The following MIPOL1 variants were observed in gnomAD, a reference collection of about 807,000 sequenced individuals.
MIPOL1 encodes the protein mirror-image polydactyly gene 1 protein.
MIPOL1 carries 57 observed loss-of-function variants against 60.9 expected under a neutral mutation model. That is an observed-to-expected ratio of 0.94 (90% CI 0.76 to 1.17). The LOEUF (loss-of-function observed/expected upper bound fraction) is 1.17. MIPOL1 is among the 50% of genes most tolerant of loss of function. The probability of loss-of-function intolerance (pLI) is 0.00; values close to 1 mark genes in which losing one functional copy is unlikely to be tolerated. For missense variants in MIPOL1, 551 were observed against 511.6 expected (o/e 1.08, Z -0.74); for synonymous variants, 179 against 168.8 (o/e 1.06, Z -0.47).
At chr14:37,358,038 G>GTCCAAGT (rs1448568665) in intron 9 of MIPOL1, among the ~76,000 whole-genome samples, 1 of 151,446 alleles carries the variant, frequency 6.6e-6, no homozygotes, top group Non-Finnish European at 1.5e-5. Flanking sequence ...CCTGCCCTAT[G>GTCCAAGT]TCCAAGTGTT....
chr14:37,210,646 A>G (rs1594468895), intron 1 of MIPOL1, among the ~76,000 whole-genome samples: 1 of 152,028 alleles, frequency 6.6e-6, no homozygotes, highest in African/African-American at 2.4e-5. Context: ...AGGGATATGG[A>G]GAATGTGTGT....
chr14:37,213,364 G>T (rs1303371652), intron 1 of MIPOL1, among the ~76,000 whole-genome samples: 1 of 152,124 alleles, frequency 6.6e-6, no homozygotes, highest in African/African-American at 2.4e-5. Context: ...ATTTAACAAA[G>T]ATATGGAAAT....
intron 1 of MIPOL1, among the ~76,000 whole-genome samples, chr14:37,205,610 C>A (rs1965954114): frequency 6.6e-6 from 1 of 152,052 alleles, no homozygotes; most frequent in African/African-American, 2.4e-5. Flanking sequence ...CAAATGCTGT[C>A]CCCCGCCAGC....
intron 12 of MIPOL1, chr14:37,506,083 T>C (rs1191776102): frequency 6.6e-6 from 1 of 152,114 alleles, no homozygotes; most frequent in Non-Finnish European, 1.5e-5. Context: ...TACAAACCAC[T>C]GCTCAATGAA....
chr14:37,198,029 G>A lies in MIPOL1; in HGVS notation c.-274G>A, dbSNP rs1301967326. On this transcript the variant is annotated 5_prime_UTR_variant, in exon 1 of 13. In the 5' UTR this introduces an upstream ATG that the reference lacks. Coordinates refer to ENST00000684589, the MANE Select transcript of MIPOL1 (RefSeq NM_001388067.1). Reference sequence around the variant, plus strand: ...GAGCCAGTGGCGATTGGCTGACGCGGTGGCTGCGCACTCGGCCTGAGAAAC... The same window carrying A: ...GAGCCAGTGGCGATTGGCTGACGCGATGGCTGCGCACTCGGCCTGAGAAAC... 1.3e-5 allele frequency: 2 copies of A among 152,296 alleles called. No individual in the cohort carries two copies. The highest frequency in any genetic ancestry group is 2.4e-5 in the African/African-American group (1 of 41,468). The allele number at this position is 152,296 out of a possible 1,614,324, so 9.4% of individuals were successfully genotyped here.
At chr14:37,430,999 A>G (rs1404880525) in intron 11 of MIPOL1, among the ~76,000 whole-genome samples, 1 of 152,108 alleles carries the variant, frequency 6.6e-6, no homozygotes, top group African/African-American at 2.4e-5. Context: ...AAGTGACTCA[A>G]CCTCCTTTTA....
intron 3 of MIPOL1, among the ~76,000 whole-genome samples, chr14:37,258,008 A>G (rs1012624088): frequency 1.3e-5 from 2 of 152,042 alleles, no homozygotes; most frequent in African/African-American, 4.8e-5. Flanking sequence ...TTTGGGTGTA[A>G]TGGTTATTGT....
intron 10 of MIPOL1, among the ~76,000 whole-genome samples, chr14:37,422,646 A>G (rs960042028): frequency 6.6e-6 from 1 of 151,886 alleles, no homozygotes; most frequent in Non-Finnish European, 1.5e-5. Flanking sequence ...AATGAGCAAG[A>G]TTGCTAAATT....
chr14:37,289,203 C>CTTA (rs560167362), intron 7 of MIPOL1, among the ~76,000 whole-genome samples: 9 of 152,280 alleles, frequency 5.9e-5, no homozygotes, highest in African/African-American at 1.7e-4. Context: ...CTTCTTTTCT[C>CTTA]TTATTCAACA....
At chr14:37,520,868 CAT>C (rs1025226752) in intron 12 of MIPOL1, among the ~76,000 whole-genome samples, 6 of 140,286 alleles carry the variant, frequency 4.3e-5, no homozygotes, top group Admixed American at 7.3e-5. Context: ...AATTTAATAA[CAT>C]ATTATGACAT....
At chr14:37,354,116 T>C (rs1486091233) in intron 9 of MIPOL1, among the ~76,000 whole-genome samples, 1 of 151,562 alleles carries the variant, frequency 6.6e-6, no homozygotes, top group Non-Finnish European at 1.5e-5. Flanking sequence ...GTCTTTGTTC[T>C]CGTTGGTTTC....
At chr14:37,316,739 G>A (rs960240505) in intron 9 of MIPOL1, among the ~76,000 whole-genome samples, 1 of 152,044 alleles carries the variant, frequency 6.6e-6, no homozygotes, top group African/African-American at 2.4e-5. Flanking sequence ...CACTTTAGGA[G>A]GGCAAGGCGG....
At chr14:37,372,953 A>T (rs2092681401) in intron 10 of MIPOL1, among the ~76,000 whole-genome samples, 1 of 152,062 alleles carries the variant, frequency 6.6e-6, no homozygotes, top group Admixed American at 6.5e-5. Flanking sequence ...TTATCTACTT[A>T]TGTTAAGAAA....
chr14:37,311,337 A>G (rs2087302580), intron 9 of MIPOL1, among the ~76,000 whole-genome samples: 1 of 152,170 alleles, frequency 6.6e-6, no homozygotes, highest in Admixed American at 6.6e-5. Flanking sequence ...ATTGACTGCC[A>G]CTCATTCCCT....
chr14:37,524,118 C>T (rs2180609), intron 12 of MIPOL1, among the ~76,000 whole-genome samples: 115,382 of 152,104 alleles, frequency 0.76, 44,109 homozygotes, highest in African/African-American at 0.85. Flanking sequence ...TTTGACTTTA[C>T]CTTACAAGCA....
chr14:37,442,089 TGTGTG>T (rs1198724976), intron 11 of MIPOL1, among the ~76,000 whole-genome samples: 2 of 10,168 alleles, frequency 2.0e-4, no homozygotes, highest in Admixed American at 1.0e-3. Context: ...TCTACTTTGT[TGTGTG>T]TGTGTGTGTG....
At chr14:37,299,312 A>G (rs1449281500) in intron 7 of MIPOL1, among the ~76,000 whole-genome samples, 1 of 152,060 alleles carries the variant, frequency 6.6e-6, no homozygotes, top group Non-Finnish European at 1.5e-5. Flanking sequence ...GGGGGGCGGG[A>G]TAGCATTAGG....
intron 9 of MIPOL1, among the ~76,000 whole-genome samples, chr14:37,342,359 T>TA (rs892705364): frequency 2.5e-4 from 36 of 143,242 alleles, no homozygotes; most frequent in African/African-American, 6.4e-4. Flanking sequence ...AGACTCTGTC[T>TA]AAAAAAAAAA....
intron 9 of MIPOL1, among the ~76,000 whole-genome samples, chr14:37,326,269 G>A (rs2089150595): frequency 6.6e-6 from 1 of 152,178 alleles, no homozygotes; most frequent in South Asian, 2.1e-4. Context: ...AGGATGATGG[G>A]GGACATGGTA....
Sources: allele counts gnomAD v4.1 joint callset (sites outside exome capture counted in the v4.1 genomes callset), GRCh38; gene constraint gnomAD v4.1.1; transcripts MANE v1.5; gene names NCBI Gene and HGNC (gene_info 2026-07-23, HGNC 2026-07-21).